CACNB2: variants seen among roughly 807,000 people sequenced by gnomAD.
CACNB2 encodes the protein calcium voltage-gated channel auxiliary subunit beta 2, also known as voltage-dependent L-type calcium channel subunit beta-2.
A neutral mutation model predicts 73.3 loss-of-function variants in CACNB2; 42 were observed. That is an observed-to-expected ratio of 0.57 (90% CI 0.45 to 0.74). The LOEUF (loss-of-function observed/expected upper bound fraction) is 0.74, where lower values mean the gene tolerates loss of function less well. CACNB2 is among the 30% of genes least tolerant of loss of function. The probability of loss-of-function intolerance (pLI) is 0.00; values close to 1 mark genes in which losing one functional copy is unlikely to be tolerated. For synonymous variants in CACNB2, 348 were observed against 310.3 expected (o/e 1.12, Z -1.28); for missense variants, 940 against 853.0 (o/e 1.10, Z -1.27).
chr10:18,141,265 G>C (rs2030367813), intron 1 of CACNB2: 2 of 1,397,330 alleles, frequency 1.4e-6, no homozygotes, highest in Non-Finnish European at 2.0e-6. Context: ...CGCTTTCTAC[G>C]ATGCCGACTC....
intron 2 of CACNB2, among the ~76,000 whole-genome samples, chr10:18,176,506 G>A (rs569908256): frequency 6.6e-6 from 1 of 152,184 alleles, no homozygotes; most frequent in South Asian, 2.1e-4. Context: ...GGATGGGAAA[G>A]ATGGGTGTTC....
intron 2 of CACNB2, among the ~76,000 whole-genome samples, chr10:18,244,703 G>A (rs758942297): frequency 1.3e-5 from 2 of 152,224 alleles, no homozygotes; most frequent in Admixed American, 1.3e-4. Flanking sequence ...CAGATGTGGG[G>A]CACTAGAGTA....
chr10:18,345,411 AT>A (rs1451757807), intron 2 of CACNB2, among the ~76,000 whole-genome samples: 1 of 152,180 alleles, frequency 6.6e-6, no homozygotes, highest in Non-Finnish European at 1.5e-5. Flanking sequence ...GAAGGTGAAT[AT>A]TTATATACTC....
chr10:18,285,117 G>A (rs1438947209), intron 2 of CACNB2, among the ~76,000 whole-genome samples: 1 of 152,154 alleles, frequency 6.6e-6, no homozygotes, highest in African/African-American at 2.4e-5. Context: ...TAGTCTTACA[G>A]ATGTGGCACA....
intron 2 of CACNB2, among the ~76,000 whole-genome samples, chr10:18,296,781 C>T (rs1001472612): frequency 6.6e-6 from 1 of 152,152 alleles, no homozygotes; most frequent in African/African-American, 2.4e-5. Context: ...ATCCTGGAAA[C>T]AAAATTATTT....
chr10:18,398,292 C>G (rs2043814566), intron 2 of CACNB2, among the ~76,000 whole-genome samples: 1 of 152,208 alleles, frequency 6.6e-6, no homozygotes, highest in South Asian at 2.1e-4. Flanking sequence ...TTAACTGTGG[C>G]TGTCTTTGGA....
chr10:18,471,433 G>A (rs973615159), intron 3 of CACNB2, among the ~76,000 whole-genome samples: 2 of 152,316 alleles, frequency 1.3e-5, no homozygotes, highest in South Asian at 2.1e-4. Context: ...CCTACAGAAT[G>A]TAATTAAGAT....
chr10:18,458,579 TAAAC>T (rs1564571801), intron 3 of CACNB2, among the ~76,000 whole-genome samples: 1 of 152,098 alleles, frequency 6.6e-6, no homozygotes, highest in Admixed American at 6.6e-5. Context: ...ATGGAATTAA[TAAAC>T]AAAATTTTAA....
At chr10:18,240,625 C>G (rs1024695971) in intron 2 of CACNB2, among the ~76,000 whole-genome samples, 1 of 152,182 alleles carries the variant, frequency 6.6e-6, no homozygotes, top group African/African-American at 2.4e-5. Context: ...TATCCTGGCA[C>G]ATTTCTACTG....
At chr10:18,491,363 C>T (rs1454118014) in intron 3 of CACNB2, among the ~76,000 whole-genome samples, 2 of 152,166 alleles carry the variant, frequency 1.3e-5, no homozygotes, top group African/African-American at 2.4e-5. Flanking sequence ...GCGGGAGGAT[C>T]ACTTGAGGCC....
intron 2 of CACNB2, among the ~76,000 whole-genome samples, chr10:18,333,463 A>G (rs2040881784): frequency 6.6e-6 from 1 of 151,486 alleles, no homozygotes; most frequent in Non-Finnish European, 1.5e-5. Flanking sequence ...AACCTGTTAG[A>G]GACAACATAG....
chr10:18,260,536 T>C (rs867300792), intron 2 of CACNB2: 15 of 985,436 alleles, frequency 1.5e-5, no homozygotes, highest in South Asian at 9.4e-5. Flanking sequence ...TCATGTGAAA[T>C]ACCTACTGCA....
At chr10:18,242,355 T>C (rs1417962692) in intron 2 of CACNB2, among the ~76,000 whole-genome samples, 1 of 152,152 alleles carries the variant, frequency 6.6e-6, no homozygotes, top group African/African-American at 2.4e-5. Context: ...TGGAATATAC[T>C]TGAGTAGAGA....
Position 18,188,185 on chromosome 10 carries a change from T to C in CACNB2, c.213+37210T>C, listed in dbSNP as rs117528921. ...AACTTTACAGGGCCATTTTGCTTGCTTATCTCCTTCCTTCCTGCCTTCCTG... is the reference window on the plus strand; with the variant it reads ...AACTTTACAGGGCCATTTTGCTTGCCTATCTCCTTCCTTCCTGCCTTCCTG... On this transcript the variant is annotated intron_variant, in intron 2 of 13. Transcript: ENST00000324631. Among the ~76,000 whole-genome samples, 1,143 of 152,264 alleles carry C rather than the reference T, an allele frequency of 7.5e-3. 10 individuals are homozygous for C. The highest frequency in any genetic ancestry group is 0.041 in the Middle Eastern group (12 of 294).
chr10:18,515,811 C>T (rs558456857), intron 7 of CACNB2, among the ~76,000 whole-genome samples: 14 of 152,274 alleles, frequency 9.2e-5, no homozygotes, highest in East Asian at 1.9e-4. Context: ...TGGGCCTTGA[C>T]GGAGCAGGAA....
chr10:18,523,535 G>C (rs918603991), intron 9 of CACNB2, among the ~76,000 whole-genome samples: 1 of 152,166 alleles, frequency 6.6e-6, no homozygotes, highest in Non-Finnish European at 1.5e-5. Flanking sequence ...ACCTGCCTTG[G>C]CTCATCTTGA....
intron 3 of CACNB2, among the ~76,000 whole-genome samples, chr10:18,493,413 A>C (rs1313348769): frequency 6.6e-6 from 1 of 151,952 alleles, no homozygotes; most frequent in African/African-American, 2.4e-5. Flanking sequence ...TGATCCGCCC[A>C]CCTCTGCCTC....
chr10:18,430,356 T>G (rs1034429286), intron 3 of CACNB2, among the ~76,000 whole-genome samples: 5 of 152,184 alleles, frequency 3.3e-5, no homozygotes, highest in African/African-American at 1.2e-4. Context: ...TTTATTTTTA[T>G]CCTCTTTAGT....
chr10:18,152,787 A>G (rs1309244524), intron 2 of CACNB2, among the ~76,000 whole-genome samples: 2 of 151,628 alleles, frequency 1.3e-5, no homozygotes, highest in African/African-American at 2.4e-5. Context: ...TAAAGCAACA[A>G]ATAATGCCAA....
Sources: allele counts gnomAD v4.1 joint callset (sites outside exome capture counted in the v4.1 genomes callset), GRCh38; gene constraint gnomAD v4.1.1; transcripts MANE v1.5; gene names NCBI Gene and HGNC (gene_info 2026-07-23, HGNC 2026-07-21).